VPS13B: variants seen among roughly 807,000 people sequenced by gnomAD.
VPS13B encodes the protein intermembrane lipid transfer protein VPS13B.
In VPS13B, 285 loss-of-function variants were observed where a neutral mutation model predicts 426.4. The ratio of observed to expected loss-of-function variants is 0.67; its 90% confidence interval spans 0.61 to 0.74. The LOEUF is 0.74. Among genes scored for constraint, VPS13B ranks in the 30% least tolerant of loss-of-function variants. The pLI, the probability that VPS13B is intolerant of heterozygous loss-of-function variation, is 0.00. For synonymous variants in VPS13B, 1,676 were observed against 1,676.4 expected (o/e 1.00, Z 0.01); for missense variants, 4,537 against 4,782.6 (o/e 0.95, Z 1.51).
chr8:99,349,958 A>G (rs1170481825), intron 19 of VPS13B, among the ~76,000 whole-genome samples: 1 of 152,228 alleles, frequency 6.6e-6, no homozygotes, highest in East Asian at 1.9e-4. Context: ...TGGGAAGGAC[A>G]AGAAATCACA....
chr8:99,710,871 G>C (rs1002423707), intron 36 of VPS13B, among the ~76,000 whole-genome samples: 6 of 151,662 alleles, frequency 4.0e-5, no homozygotes, highest in African/African-American at 1.5e-4. Flanking sequence ...TGGGCATGGT[G>C]GTGTGTGCCT....
chr8:99,158,581 G>T (rs1811485906), intron 15 of VPS13B, among the ~76,000 whole-genome samples: 1 of 152,168 alleles, frequency 6.6e-6, no homozygotes, highest in African/African-American at 2.4e-5. Flanking sequence ...TGAAGATAAT[G>T]CTCATCTACC....
intron 20 of VPS13B, among the ~76,000 whole-genome samples, chr8:99,390,428 C>A (rs536754264): frequency 6.6e-6 from 1 of 152,212 alleles, no homozygotes; most frequent in Non-Finnish European, 1.5e-5. Flanking sequence ...TTTTTTTACT[C>A]AGTGTGACTA....
At chr8:99,313,557 G>A (rs1430904391) in intron 19 of VPS13B, among the ~76,000 whole-genome samples, 1 of 152,142 alleles carries the variant, frequency 6.6e-6, no homozygotes, top group Non-Finnish European at 1.5e-5. Flanking sequence ...AGCCGGCCCT[G>A]TGAGGTGTCA....
chr8:99,363,280 A>G (rs1264951695), intron 19 of VPS13B, among the ~76,000 whole-genome samples: 1 of 152,074 alleles, frequency 6.6e-6, no homozygotes, highest in African/African-American at 2.4e-5. Context: ...TTTCCCCAAT[A>G]TGTGTTCTTG....
At chr8:99,640,049 G>GAAGAAGAAGAAGAAGAAGAAGAAA (rs1299280170) in intron 33 of VPS13B, among the ~76,000 whole-genome samples, 1 of 99,724 alleles carries the variant, frequency 1.0e-5, no homozygotes, top group Admixed American at 1.1e-4. Context: ...AGAAGAAGAA[G>GAAGAAGAAGAAGAAGAAGAAGAAA]AGAAAAGAAA....
At chr8:99,772,982 T>C (rs1275338344) in intron 40 of VPS13B, among the ~76,000 whole-genome samples, 1 of 152,200 alleles carries the variant, frequency 6.6e-6, no homozygotes, top group Non-Finnish European at 1.5e-5. Flanking sequence ...GAGATCCCTC[T>C]TAGGAAGCTA....
At chr8:99,850,877 G>T (rs939461934) in intron 55 of VPS13B, among the ~76,000 whole-genome samples, 18 of 152,162 alleles carry the variant, frequency 1.2e-4, no homozygotes, top group African/African-American at 4.1e-4. Flanking sequence ...AGTGAGCCAA[G>T]ATCATGCCAC....
At chr8:99,570,382 T>C (rs532220095) in intron 31 of VPS13B, among the ~76,000 whole-genome samples, 1 of 152,138 alleles carries the variant, frequency 6.6e-6, no homozygotes, top group Non-Finnish European at 1.5e-5. Flanking sequence ...CTTTGCATTT[T>C]AAAATTTATT....
At chr8:99,657,000 C>G (rs551350446) in intron 34 of VPS13B, among the ~76,000 whole-genome samples, 1 of 152,150 alleles carries the variant, frequency 6.6e-6, no homozygotes, top group South Asian at 2.1e-4. Context: ...CTTTAAAAAC[C>G]CGTTATATTA....
At chr8:99,478,941 A>G (rs1048665786) in intron 24 of VPS13B, among the ~76,000 whole-genome samples, 1 of 151,972 alleles carries the variant, frequency 6.6e-6, no homozygotes, top group Non-Finnish European at 1.5e-5. Context: ...AGCTCTCTGC[A>G]TTGTTCAACC....
At chr8:99,383,178 G>C (rs1042922154) in intron 19 of VPS13B, among the ~76,000 whole-genome samples, 7 of 152,140 alleles carry the variant, frequency 4.6e-5, no homozygotes, top group Admixed American at 4.6e-4. Flanking sequence ...TTAGTTAGTT[G>C]GTTGGAATTG....
At chr8:99,428,191 A>C (rs964668192) in intron 21 of VPS13B, among the ~76,000 whole-genome samples, 1 of 152,238 alleles carries the variant, frequency 6.6e-6, no homozygotes, top group Non-Finnish European at 1.5e-5. Flanking sequence ...ACCCTAGAAG[A>C]AATCCTAGGC....
chr8:99,852,692 C>A (rs191157476), intron 55 of VPS13B, among the ~76,000 whole-genome samples: 1 of 152,150 alleles, frequency 6.6e-6, no homozygotes, highest in Admixed American at 6.5e-5. Flanking sequence ...TTAGAGCAAG[C>A]CTTAAAGAGC....
chr8:99,508,642 T>C (rs1163847205), intron 28 of VPS13B, among the ~76,000 whole-genome samples: 1 of 152,148 alleles, frequency 6.6e-6, no homozygotes. Flanking sequence ...TCTCTTTGAA[T>C]GTTCATTAGT....
At chr8:99,818,366 T>A in intron 45 of VPS13B, 85 bp from the exon 46 acceptor site, 3 of 1,346,492 alleles carry the variant, frequency 2.2e-6, no homozygotes, top group Non-Finnish European at 3.2e-6. Flanking sequence ...TTTTTAATCT[T>A]CCAAACTGAT....
intron 17 of VPS13B, among the ~76,000 whole-genome samples, chr8:99,207,151 A>G (rs763575384): frequency 3.2e-4 from 48 of 152,278 alleles, no homozygotes; most frequent in Non-Finnish European, 4.9e-4. Context: ...CCAGGTATTG[A>G]GAGCTCATTT....
At chr8:99,738,133 A>G (rs1034792070) in intron 39 of VPS13B, among the ~76,000 whole-genome samples, 1 of 152,254 alleles carries the variant, frequency 6.6e-6, no homozygotes, top group East Asian at 1.9e-4. Flanking sequence ...GGAAACATAC[A>G]TAAGAGTACA....
intron 2 of VPS13B, among the ~76,000 whole-genome samples, chr8:99,023,108 C>T (rs1438940414): frequency 2.0e-5 from 3 of 151,950 alleles, no homozygotes; most frequent in African/African-American, 7.3e-5. Flanking sequence ...CTTGCCTCAG[C>T]CTCCCAAGTA....
Sources: allele counts gnomAD v4.1 joint callset (sites outside exome capture counted in the v4.1 genomes callset), GRCh38; gene constraint gnomAD v4.1.1; transcripts MANE v1.5; gene names NCBI Gene and HGNC (gene_info 2026-07-23, HGNC 2026-07-21).